The following GABRA4 variants were observed in gnomAD, a reference collection of about 807,000 sequenced individuals.
GABRA4 encodes gamma-aminobutyric acid receptor subunit alpha-4.
In GABRA4, 12 loss-of-function variants were observed where a neutral mutation model predicts 49.7. The ratio of observed to expected loss-of-function variants is 0.24; its 90% CI spans 0.15 to 0.39. The LOEUF is 0.39. GABRA4 is among the 10% of genes least tolerant of loss of function. The pLI is 1.00. For synonymous variants in GABRA4, 288 were observed against 240.2 expected, an observed-to-expected ratio of 1.20 and a Z score of -1.84; for missense variants, 506 against 686.0, an observed-to-expected ratio of 0.74 and a Z score of 2.93.
intron 8 of GABRA4, among the ~76,000 whole-genome samples, chr4:46,943,938 A>G (rs1325904161): frequency 6.6e-6 from 1 of 152,002 alleles, no homozygotes; most frequent in Non-Finnish European, 1.5e-5. Flanking sequence ...CCCATTAACT[A>G]ATTTCTCAGT....
intron 7 of GABRA4, 56 bp from the exon 8 acceptor site, chr4:46,965,285 G>A: frequency 7.5e-6 from 10 of 1,337,140 alleles, no homozygotes; most frequent in Non-Finnish European, 7.8e-6. Context: ...GTATTAAAAA[G>A]CACCGCCACC....
Position 46,928,284 on chromosome 4 carries a change from C to A in GABRA4, c.1606G>T (p.Val536Phe). 3 of 1,613,176 alleles carry A rather than the reference C, an allele frequency of 1.9e-6. No homozygotes were observed. Among genetic ancestry groups the A allele is most frequent in the Non-Finnish European group, 2.5e-6 (3 of 1,179,498 alleles). Reference sequence around the variant, plus strand: ...TTAGATAAATAAACAACCCAATAAACCATGTTAAATGCCCCAAATGTGACT... The same window carrying A: ...TTAGATAAATAAACAACCCAATAAAACATGTTAAATGCCCCAAATGTGACT... Reference protein sequence around the residue: ...FPVTFGAFNMVYWVVYLSKDT... With the variant: ...FPVTFGAFNMFYWVVYLSKDT... The change falls in exon 9 of 9, where the codon GTT (valine) becomes TTT (phenylalanine). Residue 536 changes from valine to phenylalanine, a missense_variant. By Grantham distance (50) the Val-to-Phe change is conservative. Coordinates refer to ENST00000264318, the MANE Select transcript of GABRA4 (RefSeq NM_000809.4).
intron 5 of GABRA4, among the ~76,000 whole-genome samples, chr4:46,975,112 T>C (rs1204983814): frequency 6.6e-6 from 1 of 151,986 alleles, no homozygotes; most frequent in African/African-American, 2.4e-5. Flanking sequence ...GCTGCTTGCT[T>C]ACCAGTCTAC....
intron 2 of GABRA4, among the ~76,000 whole-genome samples, chr4:46,990,285 G>C (rs1723697833): frequency 6.6e-6 from 1 of 152,164 alleles, no homozygotes; most frequent in Admixed American, 6.5e-5. Context: ...CAAATTAGAT[G>C]ACTAATAATG....
intron 2 of GABRA4, among the ~76,000 whole-genome samples, chr4:46,979,333 T>C (rs1035336571): frequency 2.6e-5 from 4 of 152,070 alleles, no homozygotes; most frequent in African/African-American, 9.7e-5. Flanking sequence ...CCAGGAACCT[T>C]GTTTCTTCAA....
intron 8 of GABRA4, among the ~76,000 whole-genome samples, chr4:46,947,305 C>T (rs865910067): frequency 1.3e-5 from 2 of 151,962 alleles, no homozygotes; most frequent in African/African-American, 4.8e-5. Flanking sequence ...TCACACACGC[C>T]GTCTGTGGAA....
rs1476115073 is a variant in GABRA4, at chr4:46,921,468, G to A, written c.*6757C>T. The A allele has an allele frequency of 2.0e-5, 3 of 151,952 alleles. No individual in the cohort carries two copies. The highest frequency in any genetic ancestry group is 4.4e-5 in the Non-Finnish European group (3 of 67,936). The allele number at this position is 151,952 out of a possible 1,614,324, so 9.4% of individuals were successfully genotyped here. On this transcript the variant is annotated 3_prime_UTR_variant, in exon 9 of 9. Transcript: ENST00000264318. ...AAGAAGCTTGCAGAAATACTACCAAGGAAAATGTAAAAAGAATTTATTTTT... is the reference window on the plus strand; with the variant it reads ...AAGAAGCTTGCAGAAATACTACCAAAGAAAATGTAAAAAGAATTTATTTTT...
rs1040198261 is a variant in GABRA4 at position 46,926,622 on chromosome 4, T to G, written c.*1603A>C. Reference sequence around the variant, plus strand: ...GAGATTTTGTCTGCAAGGTGGTCATTTCTATCAATATGTTCCCTAAAACAC... The same window carrying G: ...GAGATTTTGTCTGCAAGGTGGTCATGTCTATCAATATGTTCCCTAAAACAC... On this transcript the variant is annotated 3_prime_UTR_variant, in exon 9 of 9. Transcript: ENST00000264318. The G allele has an allele frequency of 3.3e-5, 5 of 152,030 alleles. No homozygotes were observed. In the East Asian group the frequency reaches 9.7e-4, roughly 29 times the overall value. 9.4% of individuals were successfully genotyped at this position (152,030 alleles called of 1,614,324 possible).
At chr4:46,952,853 T>C (rs1014736503) in intron 8 of GABRA4, among the ~76,000 whole-genome samples, 1 of 152,072 alleles carries the variant, frequency 6.6e-6, no homozygotes, top group African/African-American at 2.4e-5. Flanking sequence ...ATAAAATAAA[T>C]AAAATATTGA....
intron 8 of GABRA4, among the ~76,000 whole-genome samples, chr4:46,946,850 G>C (rs986892728): frequency 6.6e-6 from 1 of 152,016 alleles, no homozygotes; most frequent in South Asian, 2.1e-4. Flanking sequence ...TAATAAAAGT[G>C]CAGCAGATTC....
At position 46,965,078 on chromosome 4, in the gene GABRA4, A is replaced by G; in HGVS notation, c.1026T>C (p.Tyr342=). The change falls in exon 8 of 9, where the codon TAT becomes TAC. Residue 342 remains tyrosine, a synonymous_variant. Coordinates refer to ENST00000264318, the MANE Select transcript of GABRA4 (RefSeq NM_000809.4). ...CTTTTTCCATTTGAATATTGGTGAA[A>G]TAGTTGACAGCAGCAAACTCGATAA... ...SALIEFAAVN[Y]FTNIQMEKAK... 1 of 1,612,176 alleles carries G rather than the reference A, an allele frequency of 6.2e-7. No homozygotes were observed.
chr4:46,954,649 G>A (rs1722281270), intron 8 of GABRA4, among the ~76,000 whole-genome samples: 1 of 151,860 alleles, frequency 6.6e-6, no homozygotes, highest in South Asian at 2.1e-4. Flanking sequence ...AATTAGATGT[G>A]AATTTAGACA....
chr4:46,947,652 G>C (rs1333373480), intron 8 of GABRA4, among the ~76,000 whole-genome samples: 1 of 151,974 alleles, frequency 6.6e-6, no homozygotes, highest in African/African-American at 2.4e-5. Flanking sequence ...TTCGAGATTA[G>C]ACATCTGTAA....
chr4:46,971,659 A>C (rs1049343761), intron 6 of GABRA4, among the ~76,000 whole-genome samples: 14 of 151,186 alleles, frequency 9.3e-5, no homozygotes, highest in African/African-American at 3.4e-4. Context: ...ATACACACAC[A>C]TTTATGAAAA....
chr4:46,987,420 A>T (rs578069721), intron 2 of GABRA4, among the ~76,000 whole-genome samples: 2 of 152,182 alleles, frequency 1.3e-5, no homozygotes, highest in East Asian at 3.9e-4. Context: ...CTGTTAACCA[A>T]CATCTGGCAC....
rs1465921699 is a variant in GABRA4 at position 46,925,735 on chromosome 4, TTATTATTATTA to T, written c.*2479_*2489del. 2.7e-4 allele frequency: 30 copies of T among 110,408 alleles called. No individual in the cohort carries two copies. The highest frequency in any genetic ancestry group is 9.0e-4 in the African/African-American group (30 of 33,226). The allele number at this position is 110,408 out of a possible 1,614,324, so 6.8% of individuals were successfully genotyped here. A position where few individuals can be genotyped will look rare whatever the true frequency, so the allele number is the denominator to read the frequency against. On this transcript the variant is annotated 3_prime_UTR_variant, in exon 9 of 9. Transcript: ENST00000264318. Reference sequence around the variant, plus strand: ...CAACATATTATTATTATTATTATTATTATTATTATTATTATTATTATTATCATCATTATTAT... The same window carrying T: ...CAACATATTATTATTATTATTATTATTTATTATTATTATCATCATTATTAT...
chr4:46,992,762 C>A (rs1410771974), intron 2 of GABRA4, 66 bp downstream of exon 2: 1 of 1,129,176 alleles, frequency 8.9e-7, no homozygotes. Flanking sequence ...TTCCCACAGA[C>A]AGACAGACAG....
intron 2 of GABRA4, among the ~76,000 whole-genome samples, chr4:46,981,589 T>C (rs1404002289): frequency 6.6e-6 from 1 of 152,110 alleles, no homozygotes; most frequent in African/African-American, 2.4e-5. Flanking sequence ...GCCAGTTGTG[T>C]GTTGGGTTCC....
intron 8 of GABRA4, among the ~76,000 whole-genome samples, chr4:46,942,464 T>C (rs1243927350): frequency 6.6e-6 from 1 of 151,678 alleles, no homozygotes; most frequent in Non-Finnish European, 1.5e-5. Context: ...TACTAAAAAA[T>C]ATATACAAAA....
Sources: gnomAD v4.1 joint callset for allele counts (sites outside exome capture counted in the v4.1 genomes callset) on GRCh38, gnomAD v4.1.1 for gene constraint, MANE v1.5 for transcripts, NCBI Gene and HGNC (gene_info 2026-07-23, HGNC 2026-07-21) for gene names.